TENM3: variants seen among roughly 807,000 people sequenced by gnomAD.
TENM3 encodes the protein teneurin-3.
In TENM3, 63 loss-of-function variants were observed where a neutral mutation model predicts 255.1. That is an observed-to-expected ratio of 0.25 (90% confidence interval 0.20 to 0.30). TENM3 has a LOEUF of 0.30. TENM3 is among the 10% of genes least tolerant of loss of function. The pLI is 1.00. For synonymous variants in TENM3, 1,306 were observed against 1,322.3 expected, an observed-to-expected ratio of 0.99 and a Z score of 0.27; for missense variants, 2,929 against 3,461.1, an observed-to-expected ratio of 0.85 and a Z score of 3.86.
At chr4:181,805,239 T>C in the TENM3 span, among the ~76,000 whole-genome samples, 4 of 152,214 alleles carry the variant, frequency 2.6e-5, no homozygotes, top group East Asian at 7.8e-4. Flanking sequence ...CCAAATCCTT[T>C]AACCTTCACG....
the TENM3 span, among the ~76,000 whole-genome samples, chr4:181,776,991 G>A: frequency 9.9e-5 from 15 of 151,944 alleles, no homozygotes; most frequent in Middle Eastern, 6.8e-3. Flanking sequence ...AGTCTTAGCC[G>A]TAAAATCTTT....
rs544858955 is a variant in TENM3 at position 182,732,002 on chromosome 4, C to G, written c.2967+863C>G. Among the ~76,000 whole-genome samples the G allele has an allele frequency of 2.8e-4, 43 of 152,012 alleles. 1 individual carries two copies. The Middle Eastern group carries it at 0.01, about 36-fold the overall frequency. ...TTCATCATGTTGGCCAGGATGGTCTCCATCTCCTGACCTCGTGATCCGCCC... is the reference window on the plus strand; with the variant it reads ...TTCATCATGTTGGCCAGGATGGTCTGCATCTCCTGACCTCGTGATCCGCCC... On this transcript the variant is annotated intron_variant, in intron 16 of 27. Coordinates refer to ENST00000511685, the MANE Select transcript of TENM3 (RefSeq NM_001080477.4).
At chr4:181,879,585 G>A in the TENM3 span, among the ~76,000 whole-genome samples, 1 of 152,156 alleles carries the variant, frequency 6.6e-6, no homozygotes, top group Non-Finnish European at 1.5e-5. Context: ...AATATCTACA[G>A]TAACATTTAA....
the TENM3 span, among the ~76,000 whole-genome samples, chr4:181,543,214 G>C: frequency 6.6e-6 from 1 of 152,062 alleles, no homozygotes; most frequent in Non-Finnish European, 1.5e-5. Flanking sequence ...TCCTTCAAAC[G>C]TGTGTACTCA....
At chr4:181,824,952 C>T in the TENM3 span, among the ~76,000 whole-genome samples, 1 of 152,138 alleles carries the variant, frequency 6.6e-6, no homozygotes, top group Non-Finnish European at 1.5e-5. Context: ...CTGCGCACAT[C>T]AAGTCCATGT....
At chr4:182,733,974 C>T (rs1257563690) in intron 16 of TENM3, among the ~76,000 whole-genome samples, 1 of 152,116 alleles carries the variant, frequency 6.6e-6, no homozygotes, top group East Asian at 1.9e-4. Flanking sequence ...TTTCTCCATT[C>T]GTTCATTCAT....
At chr4:182,376,562 ATGT>A (rs1000796134) in intron 3 of TENM3, among the ~76,000 whole-genome samples, 1 of 152,206 alleles carries the variant, frequency 6.6e-6, no homozygotes, top group African/African-American at 2.4e-5. Context: ...ATGAGCCAAC[ATGT>A]TGTGAAAATA....
chr4:181,466,116 T>TTAC, the TENM3 span, among the ~76,000 whole-genome samples: 4 of 102,058 alleles, frequency 3.9e-5, no homozygotes, highest in African/African-American at 1.4e-4. Flanking sequence ...AGGAATTTTT[T>TTAC]TTTTTGTTTT....
At chr4:182,108,335 G>A in the TENM3 span, among the ~76,000 whole-genome samples, 1 of 152,174 alleles carries the variant, frequency 6.6e-6, no homozygotes, top group East Asian at 1.9e-4. Flanking sequence ...AGTTTTGACA[G>A]GAAGGCTCCA....
At chr4:181,656,620 T>G in the TENM3 span, among the ~76,000 whole-genome samples, 2 of 151,800 alleles carry the variant, frequency 1.3e-5, no homozygotes, top group Non-Finnish European at 2.9e-5. Flanking sequence ...GGCCTAAAGG[T>G]GAAGGTGGAT....
At chr4:181,899,708 C>T in the TENM3 span, among the ~76,000 whole-genome samples, 1 of 152,070 alleles carries the variant, frequency 6.6e-6, no homozygotes, top group African/African-American at 2.4e-5. Flanking sequence ...GCTGGGACTA[C>T]AGGCATGCAC....
chr4:181,634,654 A>G, the TENM3 span, among the ~76,000 whole-genome samples: 5 of 152,176 alleles, frequency 3.3e-5, no homozygotes, highest in South Asian at 1.0e-3. Context: ...TTAATGTGCT[A>G]AAAGCCTCTG....
the TENM3 span, among the ~76,000 whole-genome samples, chr4:181,815,462 CAAAA>C: frequency 0.029 from 2,397 of 82,070 alleles, 90 homozygotes; most frequent in African/African-American, 0.1. Flanking sequence ...GACTCCCTAT[CAAAA>C]AAAAAAAAAA....
intron 12 of TENM3, among the ~76,000 whole-genome samples, chr4:182,704,785 C>A (rs901424665): frequency 1.3e-5 from 2 of 150,384 alleles, no homozygotes. Context: ...GGAGCAGATC[C>A]CTTTAAAGCA....
the TENM3 span, among the ~76,000 whole-genome samples, chr4:181,612,603 C>T: frequency 1.3e-5 from 2 of 152,100 alleles, no homozygotes; most frequent in African/African-American, 4.8e-5. Context: ...GGCAATACCT[C>T]ATTGTGTTTT....
chr4:182,459,320 A>G (rs574728494), intron 3 of TENM3, among the ~76,000 whole-genome samples: 180 of 152,278 alleles, frequency 1.2e-3, no homozygotes, highest in African/African-American at 4.0e-3. Context: ...GACCACTTTG[A>G]AAGCAATAGT....
the TENM3 span, among the ~76,000 whole-genome samples, chr4:181,932,150 A>G: frequency 2.0e-5 from 3 of 152,226 alleles, no homozygotes; most frequent in Non-Finnish European, 2.9e-5. Context: ...ATGGCAACAA[A>G]AGCCAAAATT....
chr4:181,518,648 C>T, the TENM3 span, among the ~76,000 whole-genome samples: 1 of 152,086 alleles, frequency 6.6e-6, no homozygotes, highest in Non-Finnish European at 1.5e-5. Context: ...AGGCTGGTCT[C>T]GAACTCCTGA....
At chr4:181,596,863 T>C in the TENM3 span, among the ~76,000 whole-genome samples, 3 of 152,080 alleles carry the variant, frequency 2.0e-5, no homozygotes, top group African/African-American at 4.8e-5. Context: ...TTGTCACTTA[T>C]AAGCGGGAGG....
Sources: allele counts gnomAD v4.1 joint callset (sites outside exome capture counted in the v4.1 genomes callset), GRCh38; gene constraint gnomAD v4.1.1; transcripts MANE v1.5; gene names NCBI Gene and HGNC (gene_info 2026-07-23, HGNC 2026-07-21).